Variants in CNNM2 observed in about 807,000 individuals in gnomAD.
CNNM2 encodes cyclin and CBS domain divalent metal cation transport mediator 2.
In CNNM2, 12 loss-of-function variants were observed where a neutral mutation model predicts 66.9. The ratio of observed to expected loss-of-function variants is 0.18; its 90% CI spans 0.11 to 0.29. The LOEUF is 0.29. CNNM2 is among the 10% of genes least tolerant of loss of function. CNNM2 has a pLI of 1.00. For synonymous variants in CNNM2, 557 were observed against 501.8 expected (o/e 1.11, Z -1.47); for missense variants, 705 against 1,167.7 (o/e 0.60, Z 5.77).
chr10:103,023,059 C>T (rs190103318), intron 1 of CNNM2, among the ~76,000 whole-genome samples: 5 of 152,152 alleles, frequency 3.3e-5, no homozygotes. Flanking sequence ...CACACCACCA[C>T]ACTCGGCTAA....
chr10:103,071,628 T>C, intron 5 of CNNM2, 146 bp from the exon 6 acceptor site: 1 of 740,536 alleles, frequency 1.4e-6, no homozygotes, highest in Non-Finnish European at 2.5e-6. Context: ...TTGTTTTGTT[T>C]CTATAATACC....
At chr10:102,927,398 A>C in intron 1 of CNNM2, 1 of 1,613,796 alleles carries the variant, frequency 6.2e-7, no homozygotes, top group South Asian at 1.1e-5. Context: ...AGAGACAATA[A>C]GAAGCATTCT....
chr10:103,050,537 A>G lies in CNNM2; in HGVS notation c.1765+687A>G, dbSNP rs2065198216. Among the ~76,000 whole-genome samples the G allele has an allele frequency of 3.6e-5, 4 of 112,484 alleles. No homozygotes were observed. The Admixed American group carries it at 4.0e-4, about 11-fold the overall frequency. 73.8% of individuals were successfully genotyped at this position (112,484 alleles called of 152,430 possible). ...GGTTAACAGAGTGAGAGTCCACCTCAAAAAAAAAAAAAAAAGTGAATGGGA... is the reference window on the plus strand; with the variant it reads ...GGTTAACAGAGTGAGAGTCCACCTCGAAAAAAAAAAAAAAAGTGAATGGGA... On this transcript the variant is annotated intron_variant, in intron 2 of 7. Transcript: ENST00000369878.
chr10:102,924,545 T>C (rs1222856500), intron 1 of CNNM2, among the ~76,000 whole-genome samples: 1 of 152,222 alleles, frequency 6.6e-6, no homozygotes, highest in Non-Finnish European at 1.5e-5. Context: ...TCCATATTAA[T>C]ATACTGAGAG....
chr10:102,940,100 T>C (rs1443373531), intron 1 of CNNM2, among the ~76,000 whole-genome samples: 1 of 152,122 alleles, frequency 6.6e-6, no homozygotes, highest in African/African-American at 2.4e-5. Flanking sequence ...CTCTTTTCCA[T>C]TCTGTATCTT....
chr10:103,001,797 A>C (rs2064127279), intron 1 of CNNM2, among the ~76,000 whole-genome samples: 1 of 152,056 alleles, frequency 6.6e-6, no homozygotes, highest in South Asian at 2.1e-4. Context: ...TGAGGTCAGG[A>C]GTTCGAGACC....
Position 103,076,133 on chromosome 10 carries a change from T to G in CNNM2, c.2281T>G (p.Ser761Ala), listed in dbSNP as rs1392302728. The stretch of plus-strand genomic sequence containing the variant: ...CCCATGTGGCTTGAATCACTCAGAC[T>G]CTCTCAGTCGAAGCGACCGGATTGA... ...PRPCGLNHSD[S>A]LSRSDRIDAV... Residue 761 changes from serine to alanine, a missense_variant, in exon 7 of 8, where the codon TCT becomes GCT. Coordinates refer to ENST00000369878, the MANE Select transcript of CNNM2 (RefSeq NM_017649.5). 6.2e-7 allele frequency: 1 copy of G among 1,611,646 alleles called. No homozygotes were observed. Among genetic ancestry groups the G allele is most frequent in the Non-Finnish European group, 8.5e-7 (1 of 1,179,038 alleles).
In CNNM2 at chr10:102,966,731, A is replaced by G. The variant is rs139856584; in HGVS notation, c.1621+46630A>G. ...CCTGCTATATGTAGGATGTAATATA[A>G]AATAGATTAATAACATGGTCCTTTC... On this transcript the variant is annotated intron_variant, in intron 1 of 7. Transcript: ENST00000369878. Among the ~76,000 whole-genome samples the G allele has an allele frequency of 3.5e-4, 53 of 152,302 alleles. No homozygotes were observed. In the East Asian group the frequency reaches 8.5e-3, roughly 24 times the overall value.
chr10:103,081,678 A>G lies in CNNM2; in HGVS notation c.*4498A>G, dbSNP rs1646476980. The G allele has an allele frequency of 6.6e-6, 1 of 152,168 alleles. No individual in the cohort carries two copies. Among genetic ancestry groups the G allele is most frequent in the Non-Finnish European group, 1.5e-5 (1 of 68,042 alleles). The allele number at this position is 152,168 out of a possible 1,614,324, so 9.4% of individuals were successfully genotyped here. A position where few individuals can be genotyped will look rare whatever the true frequency, so the allele number is the denominator to read the frequency against. On this transcript the variant is annotated 3_prime_UTR_variant, in exon 8 of 8. Transcript: ENST00000369878. ...GCTGCTGTTACTTAGCAAGGCTGTG[A>G]CAAGTAGGCCTTCCTCCTCTAGCAC...
intron 1 of CNNM2, among the ~76,000 whole-genome samples, chr10:102,938,335 T>TCC (rs1396271793): frequency 6.6e-6 from 1 of 150,594 alleles, no homozygotes; most frequent in African/African-American, 2.4e-5. Flanking sequence ...TCCCAGCTAC[T>TCC]CGAGAGGCTG....
At chr10:102,951,404 C>T (rs1040928937) in intron 1 of CNNM2, among the ~76,000 whole-genome samples, 2 of 151,974 alleles carry the variant, frequency 1.3e-5, no homozygotes, top group African/African-American at 4.8e-5. Flanking sequence ...ACCATGTTGG[C>T]CAGGCTGGTT....
At chr10:102,981,134 G>A (rs1375674562) in intron 1 of CNNM2, among the ~76,000 whole-genome samples, 1 of 151,980 alleles carries the variant, frequency 6.6e-6, no homozygotes, top group African/African-American at 2.4e-5. Context: ...GATCGCTTGA[G>A]TCCAGGACTT....
At chr10:102,993,994 T>A (rs1379019686) in intron 1 of CNNM2, among the ~76,000 whole-genome samples, 1 of 152,110 alleles carries the variant, frequency 6.6e-6, no homozygotes, top group Non-Finnish European at 1.5e-5. Flanking sequence ...TGGAGTACAG[T>A]GGTATCATCT....
rs781338952 is a variant in CNNM2, at chr10:102,918,949, A to G, written c.469A>G (p.Ile157Val). 3.1e-6 allele frequency: 5 copies of G among 1,612,414 alleles called. No individual in the cohort carries two copies. The highest frequency in any genetic ancestry group is 4.2e-6 in the Non-Finnish European group (5 of 1,179,446). Reference sequence around the variant, plus strand: ...GCGATGCGGCATCCGCACCTCAGACATCATCATCTTGCCCCACATCATTCT... The same window carrying G: ...GCGATGCGGCATCCGCACCTCAGACGTCATCATCTTGCCCCACATCATTCT... Reference protein sequence around the residue: ...PQRCGIRTSDIIILPHIILNR... With the variant: ...PQRCGIRTSDVIILPHIILNR... The change falls in exon 1 of 8, where the codon ATC becomes GTC. Residue 157 changes from isoleucine to valine, a missense_variant. Transcript: ENST00000369878. The surrounding 1 kb of genome is among the most constrained non-coding windows in gnomAD (Gnocchi z 4.1).
chr10:103,006,179 T>C (rs2064222174), intron 1 of CNNM2, among the ~76,000 whole-genome samples: 1 of 152,052 alleles, frequency 6.6e-6, no homozygotes, highest in South Asian at 2.1e-4. Flanking sequence ...CACCATTAAC[T>C]GTGATGTTTG....
At chr10:102,990,974 C>T (rs2063888146) in intron 1 of CNNM2, among the ~76,000 whole-genome samples, 1 of 152,090 alleles carries the variant, frequency 6.6e-6, no homozygotes, top group Non-Finnish European at 1.5e-5. Flanking sequence ...CTTACATTTT[C>T]CATTGTGGCT....
chr10:103,011,314 G>A (rs2064338221), intron 1 of CNNM2, among the ~76,000 whole-genome samples: 1 of 152,032 alleles, frequency 6.6e-6, no homozygotes, highest in African/African-American at 2.4e-5. Flanking sequence ...TTAGCCAGGT[G>A]TGGTGGTGCG....
chr10:102,972,672 A>C (rs1238174569), intron 1 of CNNM2, among the ~76,000 whole-genome samples: 2 of 152,124 alleles, frequency 1.3e-5, no homozygotes, highest in African/African-American at 4.8e-5. Flanking sequence ...GTGAAACCCT[A>C]GTTAAAAAAT....
At chr10:103,046,760 C>T (rs2065133463) in intron 1 of CNNM2, among the ~76,000 whole-genome samples, 1 of 152,208 alleles carries the variant, frequency 6.6e-6, no homozygotes, top group Non-Finnish European at 1.5e-5. Flanking sequence ...GTGCAGTATA[C>T]TGTGTTAGTT....
Sources: gnomAD v4.1 joint callset for allele counts (sites outside exome capture counted in the v4.1 genomes callset) on GRCh38, gnomAD v4.1.1 for gene constraint, Gnocchi (gnomAD v3.1) non-coding constraint, MANE v1.5 for transcripts, NCBI Gene and HGNC (gene_info 2026-07-23, HGNC 2026-07-21) for gene names.